Variants in DOCK1 observed in about 807,000 individuals in gnomAD.
The protein encoded by DOCK1 is dedicator of cytokinesis protein 1.
Under a neutral mutation model 262.7 loss-of-function variants are expected in DOCK1, and 138 were observed. The observed-to-expected ratio is 0.53, with a 90% CI of 0.46 to 0.61. The LOEUF is 0.61. DOCK1 is among the 20% of genes least tolerant of loss of function. DOCK1 has a pLI of 0.00. For synonymous variants in DOCK1, 866 were observed against 867.4 expected (o/e 1.00, Z 0.03); for missense variants, 1,908 against 2,370.7 (o/e 0.80, Z 4.05).
At chr10:127,338,242 T>C (rs2063284687) in intron 29 of DOCK1, among the ~76,000 whole-genome samples, 1 of 152,222 alleles carries the variant, frequency 6.6e-6, no homozygotes, top group Non-Finnish European at 1.5e-5. Context: ...AGCTTTAGTA[T>C]TGTAAGCACT....
At chr10:127,078,717 G>A (rs1345072789) in intron 23 of DOCK1, among the ~76,000 whole-genome samples, 1 of 152,156 alleles carries the variant, frequency 6.6e-6, no homozygotes, top group African/African-American at 2.4e-5. Context: ...CAGTCAACAA[G>A]TAGATAAAGA....
intron 1 of DOCK1, among the ~76,000 whole-genome samples, chr10:126,965,414 C>G (rs1323205368): frequency 6.6e-6 from 1 of 152,104 alleles, no homozygotes; most frequent in Non-Finnish European, 1.5e-5. Flanking sequence ...ATTCAGAATG[C>G]TCGGCGAAAT....
intron 10 of DOCK1, among the ~76,000 whole-genome samples, chr10:127,008,051 GAAAT>G (rs1565057416): frequency 6.6e-6 from 1 of 151,826 alleles, no homozygotes; most frequent in Non-Finnish European, 1.5e-5. Context: ...TTAAATGAAT[GAAAT>G]AAAAGTAAAT....
At chr10:126,944,998 C>T (rs1452431085) in intron 1 of DOCK1, among the ~76,000 whole-genome samples, 4 of 152,028 alleles carry the variant, frequency 2.6e-5, no homozygotes, top group Non-Finnish European at 4.4e-5. Flanking sequence ...ACCACCATAC[C>T]TGGCTAATTT....
At chr10:127,007,710 G>A (rs74477538) in intron 10 of DOCK1, 31 of 152,360 alleles carry the variant, frequency 2.0e-4, no homozygotes, top group African/African-American at 7.5e-4. Context: ...ATGTTAGCAA[G>A]CCTGGATCTC....
intron 27 of DOCK1, among the ~76,000 whole-genome samples, chr10:127,163,710 G>A (rs528229701): frequency 2.0e-5 from 3 of 151,552 alleles, no homozygotes; most frequent in Non-Finnish European, 2.9e-5. Context: ...AAGATCAGTC[G>A]TCTTCTGCTT....
intron 21 of DOCK1, among the ~76,000 whole-genome samples, chr10:127,051,848 G>T (rs560798491): frequency 6.6e-6 from 1 of 152,136 alleles, no homozygotes; most frequent in Non-Finnish European, 1.5e-5. Flanking sequence ...CTCCCAAAGT[G>T]CTGGGATTCC....
rs551841431 is a variant in DOCK1 at position 127,201,670 on chromosome 10, A to T, written c.2848-46338A>T. On this transcript the variant is annotated intron_variant, in intron 27 of 51. Coordinates refer to ENST00000623213, the MANE Select transcript of DOCK1 (RefSeq NM_001290223.2). ...TGGGAATAAGGAAGAGCAGGCGTGC[A>T]CTCTGGCTCTCCCCTCTCCCCTCAC... Among the ~76,000 whole-genome samples the T allele has an allele frequency of 1.3e-4, 20 of 152,012 alleles. 1 individual carries two copies. The East Asian group carries it at 3.9e-3, about 30-fold the overall frequency.
rs145467480 is a variant in DOCK1, at chr10:127,253,970, A to G, written c.2950-3365A>G. On this transcript the variant is annotated intron_variant, in intron 28 of 51. Transcript: ENST00000623213. ...TATTTGCTTCCGTCATGTGTCTCCA[A>G]GTGTCTCTATCTATACAGCCAACCC... 3.7e-3 allele frequency among the ~76,000 whole-genome samples: 559 copies of G among 151,916 alleles called. 1 individual carries two copies. The highest frequency in any genetic ancestry group is 6.8e-3 in the Non-Finnish European group (462 of 67,972).
chr10:127,291,569 C>T (rs529741414), intron 29 of DOCK1, among the ~76,000 whole-genome samples: 1 of 152,258 alleles, frequency 6.6e-6, no homozygotes, highest in Admixed American at 6.5e-5. Context: ...ACAGTAGCGC[C>T]CTGTCGGGTC....
At chr10:126,955,323 A>G (rs1302470568) in intron 1 of DOCK1, among the ~76,000 whole-genome samples, 2 of 152,264 alleles carry the variant, frequency 1.3e-5, no homozygotes, top group African/African-American at 4.8e-5. Context: ...AAGGGGTTTC[A>G]CTATGTTGGC....
chr10:127,044,000 A>T (rs1208406083), intron 21 of DOCK1, among the ~76,000 whole-genome samples: 1 of 152,098 alleles, frequency 6.6e-6, no homozygotes, highest in Non-Finnish European at 1.5e-5. Context: ...ATTTATTATG[A>T]TGACTTACCG....
intron 24 of DOCK1, among the ~76,000 whole-genome samples, chr10:127,108,253 T>C (rs1452465112): frequency 6.6e-6 from 1 of 152,222 alleles, no homozygotes; most frequent in Non-Finnish European, 1.5e-5. Flanking sequence ...CAGAAAGTGC[T>C]GGATCCCTTA....
chr10:127,142,595 C>G (rs2051372422), intron 27 of DOCK1, among the ~76,000 whole-genome samples: 1 of 152,156 alleles, frequency 6.6e-6, no homozygotes, highest in Non-Finnish European at 1.5e-5. Context: ...CAAACACAGG[C>G]TGTAGATTTT....
intron 1 of DOCK1, among the ~76,000 whole-genome samples, chr10:126,963,984 G>C (rs1361458985): frequency 6.6e-6 from 1 of 152,088 alleles, no homozygotes; most frequent in Non-Finnish European, 1.5e-5. Context: ...AGGAAACCCA[G>C]CCTCCAGCTC....
chr10:127,253,697 G>T (rs1354088768), intron 28 of DOCK1, among the ~76,000 whole-genome samples: 1 of 151,872 alleles, frequency 6.6e-6, no homozygotes, highest in East Asian at 1.9e-4. Flanking sequence ...CACATAGTGA[G>T]ACCCCATTTC....
intron 1 of DOCK1, among the ~76,000 whole-genome samples, chr10:126,968,182 T>C (rs1446773816): frequency 6.6e-6 from 1 of 152,166 alleles, no homozygotes; most frequent in African/African-American, 2.4e-5. Flanking sequence ...GTGAAAGCTT[T>C]TGGAGTCGTC....
chr10:127,372,111 C>T (rs1004817609), intron 33 of DOCK1, among the ~76,000 whole-genome samples: 1 of 152,178 alleles, frequency 6.6e-6, no homozygotes, highest in Non-Finnish European at 1.5e-5. Flanking sequence ...TCACTAAGGT[C>T]CGGGTTCTGG....
intron 27 of DOCK1, among the ~76,000 whole-genome samples, chr10:127,237,463 T>C (rs1241961108): frequency 1.3e-5 from 2 of 152,196 alleles, no homozygotes; most frequent in Non-Finnish European, 2.9e-5. Flanking sequence ...TTTGTACTCT[T>C]TCTTACAACT....
Sources: allele counts gnomAD v4.1 joint callset (sites outside exome capture counted in the v4.1 genomes callset), GRCh38; gene constraint gnomAD v4.1.1; transcripts MANE v1.5; gene names NCBI Gene and HGNC (gene_info 2026-07-23, HGNC 2026-07-21).